Variants in HPSE2 observed in about 807,000 individuals in gnomAD.
HPSE2 encodes heparanase 2 (inactive).
HPSE2 carries 38 observed loss-of-function variants against 60.5 expected under a neutral mutation model. The ratio of observed to expected loss-of-function variants is 0.63; its 90% confidence interval spans 0.48 to 0.82. HPSE2 has a LOEUF of 0.82. Ranked by LOEUF, HPSE2 falls within the 40% of genes least tolerant of loss-of-function variation. The pLI, the probability that HPSE2 is intolerant of heterozygous loss-of-function variation, is 0.00. For missense variants in HPSE2, 713 were observed against 740.4 expected, an observed-to-expected ratio of 0.96 and a Z score of 0.43; for synonymous variants, 295 against 293.2, an observed-to-expected ratio of 1.01 and a Z score of -0.06.
At chr10:99,069,431 G>A (rs1469082590) in intron 3 of HPSE2, among the ~76,000 whole-genome samples, 1 of 151,858 alleles carries the variant, frequency 6.6e-6, no homozygotes, top group Non-Finnish European at 1.5e-5. Context: ...TTAAATTACT[G>A]TATAGATTTT....
At chr10:98,531,630 A>G (rs1309525774) in intron 9 of HPSE2, among the ~76,000 whole-genome samples, 1 of 152,228 alleles carries the variant, frequency 6.6e-6, no homozygotes, top group East Asian at 1.9e-4. Flanking sequence ...AAATTAGGGC[A>G]ACAAGCTCAA....
At chr10:98,990,939 A>G (rs1956507778) in intron 3 of HPSE2, among the ~76,000 whole-genome samples, 1 of 152,190 alleles carries the variant, frequency 6.6e-6, no homozygotes, top group Non-Finnish European at 1.5e-5. Context: ...CCTAAATTTT[A>G]TCCATCCATT....
At chr10:98,484,069 T>C (rs954261080) in intron 10 of HPSE2, among the ~76,000 whole-genome samples, 5 of 152,230 alleles carry the variant, frequency 3.3e-5, no homozygotes, top group African/African-American at 1.2e-4. Context: ...GGGATTTCAA[T>C]GTTGTATTAA....
At chr10:98,811,501 G>T (rs539765731) in intron 3 of HPSE2, among the ~76,000 whole-genome samples, 2 of 152,186 alleles carry the variant, frequency 1.3e-5, no homozygotes, top group East Asian at 3.9e-4. Flanking sequence ...AGAACTCTCA[G>T]TATGTATTAC....
chr10:99,257,938 G>A, the HPSE2 span, among the ~76,000 whole-genome samples: 44 of 152,112 alleles, frequency 2.9e-4, no homozygotes, highest in East Asian at 7.0e-3. Flanking sequence ...AAGAACCTAC[G>A]TGACTATCGG....
At chr10:99,268,202 C>G in the HPSE2 span, among the ~76,000 whole-genome samples, 1 of 152,134 alleles carries the variant, frequency 6.6e-6, no homozygotes, top group African/African-American at 2.4e-5. Flanking sequence ...AGCAAAGAAG[C>G]CTTCATAAAA....
At chr10:98,657,333 C>CTT (rs71488865) in intron 6 of HPSE2, among the ~76,000 whole-genome samples, 18 of 150,744 alleles carry the variant, frequency 1.2e-4, no homozygotes, top group Admixed American at 7.3e-4. Context: ...CTCCAAAATC[C>CTT]TTTTTTTTTG....
At chr10:98,575,056 CCCA>C (rs943179622) in intron 9 of HPSE2, among the ~76,000 whole-genome samples, 2 of 152,116 alleles carry the variant, frequency 1.3e-5, no homozygotes, top group African/African-American at 4.8e-5. Context: ...ATAGGCTGAT[CCCA>C]CAACCAACCA....
the HPSE2 span, among the ~76,000 whole-genome samples, chr10:99,251,321 A>G: frequency 6.6e-6 from 1 of 152,224 alleles, no homozygotes; most frequent in Non-Finnish European, 1.5e-5. Flanking sequence ...ACAGACCAAT[A>G]TCAAGTTCAG....
At position 99,119,729 on chromosome 10, in the gene HPSE2, C is replaced by A. The variant is rs892683466; in HGVS notation, c.610+24509G>T. ...AACTACAGTCACCAAAACATCATGG[C>A]ACTGGTACAAAAACAGACACATAGA... On this transcript the variant is annotated intron_variant, in intron 3 of 11. Transcript: ENST00000370552. Among the ~76,000 whole-genome samples, 3 of 152,126 alleles carry A rather than the reference C, an allele frequency of 2.0e-5. No homozygotes were observed. In the East Asian group the frequency reaches 5.8e-4, roughly 29 times the overall value.
intron 3 of HPSE2, among the ~76,000 whole-genome samples, chr10:98,856,152 A>C (rs1952309887): frequency 6.6e-6 from 1 of 152,176 alleles, no homozygotes; most frequent in South Asian, 2.1e-4. Flanking sequence ...CACAGTCTCT[A>C]CTGTCCTACA....
At chr10:99,295,639 G>A in the HPSE2 span, among the ~76,000 whole-genome samples, 1 of 152,132 alleles carries the variant, frequency 6.6e-6, no homozygotes, top group Non-Finnish European at 1.5e-5. Context: ...TTTTGCTGAT[G>A]AGAGAATAGA....
chr10:98,841,345 T>C (rs556513879), intron 3 of HPSE2, among the ~76,000 whole-genome samples: 21 of 152,334 alleles, frequency 1.4e-4, no homozygotes, highest in African/African-American at 4.3e-4. Flanking sequence ...TCTCTGATAG[T>C]TGTTATTCAG....
chr10:98,596,620 T>C (rs369337689), intron 9 of HPSE2, among the ~76,000 whole-genome samples: 11 of 152,274 alleles, frequency 7.2e-5, no homozygotes, highest in African/African-American at 2.6e-4. Flanking sequence ...AAAGTATTCT[T>C]GGTTGGCAGG....
intron 9 of HPSE2, among the ~76,000 whole-genome samples, chr10:98,492,351 A>C (rs1007224227): frequency 6.6e-6 from 1 of 151,968 alleles, no homozygotes; most frequent in African/African-American, 2.4e-5. Flanking sequence ...AAATACAAAA[A>C]ATTAGCAGGG....
chr10:99,301,998 T>G, the HPSE2 span, among the ~76,000 whole-genome samples: 1 of 151,852 alleles, frequency 6.6e-6, no homozygotes, highest in Non-Finnish European at 1.5e-5. Flanking sequence ...AACCACGGAA[T>G]AGATCTACTC....
intron 6 of HPSE2, among the ~76,000 whole-genome samples, chr10:98,657,854 C>T (rs967499162): frequency 9.2e-5 from 14 of 152,246 alleles, no homozygotes; most frequent in Admixed American, 5.9e-4. Context: ...CTGGAATTGA[C>T]CATCTTAAGT....
At chr10:98,865,519 C>G (rs114455572) in intron 3 of HPSE2, among the ~76,000 whole-genome samples, 1 of 151,970 alleles carries the variant, frequency 6.6e-6, no homozygotes, top group Non-Finnish European at 1.5e-5. Flanking sequence ...TGAAAAGGAG[C>G]TTAGTAAGCT....
At chr10:98,862,071 A>T (rs946852584) in intron 3 of HPSE2, among the ~76,000 whole-genome samples, 1 of 152,184 alleles carries the variant, frequency 6.6e-6, no homozygotes, top group Non-Finnish European at 1.5e-5. Context: ...ACAAGAAATC[A>T]TTCTGTTTTA....
Sources: gnomAD v4.1 joint callset for allele counts (sites outside exome capture counted in the v4.1 genomes callset) on GRCh38, gnomAD v4.1.1 for gene constraint, MANE v1.5 for transcripts, NCBI Gene and HGNC (gene_info 2026-07-23, HGNC 2026-07-21) for gene names.